GMDS: variants seen among roughly 807,000 people sequenced by gnomAD.
The protein encoded by GMDS is GDP-mannose 4,6 dehydratase.
GMDS carries 20 observed loss-of-function variants against 49.9 expected under a neutral mutation model. That is an observed-to-expected ratio of 0.40 (90% CI 0.28 to 0.58). The LOEUF is 0.58. Among genes scored for constraint, GMDS ranks in the 20% least tolerant of loss-of-function variants. The pLI is 0.42. For missense variants in GMDS, 362 were observed against 481.4 expected (o/e 0.75, Z 2.32); for synonymous variants, 177 against 178.6 (o/e 0.99, Z 0.07).
intron 7 of GMDS, among the ~76,000 whole-genome samples, chr6:1,869,686 C>T (rs1483283756): frequency 6.6e-6 from 1 of 152,214 alleles, no homozygotes; most frequent in Non-Finnish European, 1.5e-5. Context: ...AGCAAAAACA[C>T]AGGCAGAAAG....
At chr6:1,792,451 C>T (rs942737018) in intron 7 of GMDS, among the ~76,000 whole-genome samples, 1 of 152,148 alleles carries the variant, frequency 6.6e-6, no homozygotes, top group Non-Finnish European at 1.5e-5. Context: ...CTGATCGTTT[C>T]ACCTAGACCA....
At chr6:2,179,372 C>A (rs1337702678) in intron 1 of GMDS, among the ~76,000 whole-genome samples, 1 of 152,056 alleles carries the variant, frequency 6.6e-6, no homozygotes, top group Admixed American at 6.6e-5. Flanking sequence ...GAATATTGCC[C>A]CAAATCATGT....
intron 7 of GMDS, among the ~76,000 whole-genome samples, chr6:1,886,787 A>G (rs886949163): frequency 3.9e-5 from 6 of 152,204 alleles, no homozygotes; most frequent in African/African-American, 1.4e-4. Context: ...CTTTTTTTCC[A>G]GCAGCTCCAG....
chr6:1,756,917 C>T (rs1767973516), intron 7 of GMDS, among the ~76,000 whole-genome samples: 1 of 152,168 alleles, frequency 6.6e-6, no homozygotes, highest in Non-Finnish European at 1.5e-5. Flanking sequence ...GCGACAGGAT[C>T]AGCCCAAATT....
At chr6:1,771,088 C>T (rs1768561083) in intron 7 of GMDS, among the ~76,000 whole-genome samples, 2 of 152,172 alleles carry the variant, frequency 1.3e-5, no homozygotes, top group Non-Finnish European at 2.9e-5. Context: ...TCACTTATTT[C>T]TTACACAGAA....
In GMDS at chr6:1,926,007, C is replaced by T. The variant is rs72841979; in HGVS notation, c.771+4096G>A. 2.0e-3 allele frequency among the ~76,000 whole-genome samples: 304 copies of T among 152,256 alleles called. 2 individuals are homozygous for T. Among genetic ancestry groups the T allele is most frequent in the Middle Eastern group, 6.8e-3 (2 of 294 alleles). On this transcript the variant is annotated intron_variant, in intron 7 of 10. Transcript: ENST00000380815. ...AGGCCACAGACGGGTGGAACTATGC[C>T]GAGTTTGGCTGGGGCGGAGAGAGGA...
intron 7 of GMDS, among the ~76,000 whole-genome samples, chr6:1,792,565 C>A (rs1352973626): frequency 6.6e-6 from 1 of 152,166 alleles, no homozygotes; most frequent in East Asian, 1.9e-4. Flanking sequence ...ACACCTTCAC[C>A]TTTCTTGATG....
chr6:2,041,166 T>C lies in GMDS; in HGVS notation c.345+74605A>G, dbSNP rs965531206. Among the ~76,000 whole-genome samples, 4 of 152,284 alleles carry C rather than the reference T, an allele frequency of 2.6e-5. No homozygotes were observed. The East Asian group carries it at 7.7e-4, about 29-fold the overall frequency. On this transcript the variant is annotated intron_variant, in intron 4 of 10. Coordinates refer to ENST00000380815, the MANE Select transcript of GMDS (RefSeq NM_001500.4). ...TATTACATCCATGTACAAATGCATG[T>C]AAATATGTATACAAAAATGCACATA...
chr6:1,685,018 CT>C (rs113234098), intron 9 of GMDS, among the ~76,000 whole-genome samples: 30 of 149,902 alleles, frequency 2.0e-4, no homozygotes, highest in Admixed American at 1.6e-3. Context: ...TCTCCCCCCC[CT>C]TTTTTTTTAA....
chr6:1,888,604 C>T (rs561726162), intron 7 of GMDS, among the ~76,000 whole-genome samples: 2 of 152,274 alleles, frequency 1.3e-5, no homozygotes, highest in African/African-American at 4.8e-5. Flanking sequence ...CCTGGTCTCT[C>T]CCAAATCTCA....
intron 7 of GMDS, among the ~76,000 whole-genome samples, chr6:1,877,349 G>A (rs1581291170): frequency 6.6e-6 from 1 of 152,094 alleles, no homozygotes; most frequent in East Asian, 1.9e-4. Context: ...TTACAATTAA[G>A]ATACATCCAG....
intron 4 of GMDS, among the ~76,000 whole-genome samples, chr6:2,019,905 G>A (rs1345246747): frequency 3.3e-5 from 5 of 152,180 alleles, no homozygotes; most frequent in African/African-American, 1.2e-4. Flanking sequence ...TTTTGTATAT[G>A]AAACCAACCT....
intron 4 of GMDS, among the ~76,000 whole-genome samples, chr6:1,990,880 G>A (rs754853966): frequency 8.6e-5 from 13 of 151,926 alleles, no homozygotes; most frequent in African/African-American, 2.7e-4. Context: ...CTCCGTGCCC[G>A]GCCAACTGTT....
chr6:1,644,709 T>G (rs907124146), intron 9 of GMDS, among the ~76,000 whole-genome samples: 3 of 152,182 alleles, frequency 2.0e-5, no homozygotes, highest in Non-Finnish European at 2.9e-5. Flanking sequence ...TGTGAGGTTT[T>G]CTGGTGACCA....
chr6:2,200,299 C>T (rs1010200617), intron 1 of GMDS, among the ~76,000 whole-genome samples: 3 of 152,020 alleles, frequency 2.0e-5, no homozygotes, highest in Admixed American at 1.3e-4. Flanking sequence ...GACATGTTAG[C>T]AGAGAGGCGA....
intron 7 of GMDS, among the ~76,000 whole-genome samples, chr6:1,854,727 A>G (rs1757869167): frequency 6.6e-6 from 1 of 152,218 alleles, no homozygotes; most frequent in Non-Finnish European, 1.5e-5. Context: ...CACATTCATG[A>G]GCAGCCTTAT....
chr6:2,219,555 T>C (rs1780488586), intron 1 of GMDS, among the ~76,000 whole-genome samples: 6 of 152,316 alleles, frequency 3.9e-5, no homozygotes, highest in African/African-American at 1.2e-4. Flanking sequence ...AAAATACAAC[T>C]GAAGGTGAGT....
intron 7 of GMDS, among the ~76,000 whole-genome samples, chr6:1,841,147 T>C (rs1757137360): frequency 6.6e-6 from 1 of 152,154 alleles, no homozygotes. Flanking sequence ...TCCTATGTAG[T>C]AAAAGAATAA....
intron 4 of GMDS, among the ~76,000 whole-genome samples, chr6:1,970,034 A>G (rs1165458432): frequency 6.6e-6 from 1 of 152,264 alleles, no homozygotes; most frequent in Non-Finnish European, 1.5e-5. Flanking sequence ...AGAATGGAAC[A>G]AACTTTATAT....
Sources: gnomAD v4.1 joint callset for allele counts (sites outside exome capture counted in the v4.1 genomes callset) on GRCh38, gnomAD v4.1.1 for gene constraint, MANE v1.5 for transcripts, NCBI Gene and HGNC (gene_info 2026-07-23, HGNC 2026-07-21) for gene names.